Variants in LSAMP observed in about 807,000 individuals in gnomAD.
The protein encoded by LSAMP is limbic system associated membrane protein, also known as limbic system-associated membrane protein.
In LSAMP, 7 loss-of-function variants were observed where a neutral mutation model predicts 38.6. That is an observed-to-expected ratio of 0.18 (90% CI 0.10 to 0.34). The LOEUF (loss-of-function observed/expected upper bound fraction) is 0.34, where lower values mean the gene tolerates loss of function less well. Among genes scored for constraint, LSAMP ranks in the 10% least tolerant of loss-of-function variants. The pLI is 1.00. For missense variants in LSAMP, 313 were observed against 420.0 expected (o/e 0.75, Z 2.23); for synonymous variants, 154 against 166.8 (o/e 0.92, Z 0.59).
chr3:116,300,152 C>T (rs2047387282), intron 1 of LSAMP, among the ~76,000 whole-genome samples: 3 of 152,104 alleles, frequency 2.0e-5, no homozygotes, highest in East Asian at 1.9e-4. Context: ...TGAGGGAACA[C>T]GGTCCCATTT....
chr3:116,118,852 T>C (rs1708811935), intron 1 of LSAMP, among the ~76,000 whole-genome samples: 1 of 152,204 alleles, frequency 6.6e-6, no homozygotes, highest in Non-Finnish European at 1.5e-5. Flanking sequence ...TATTATAAAG[T>C]TTGTATTTTT....
chr3:115,960,737 G>T (rs1938597935), intron 3 of LSAMP, among the ~76,000 whole-genome samples: 1 of 152,056 alleles, frequency 6.6e-6, no homozygotes, highest in African/African-American at 2.4e-5. Context: ...ATCAATTCAG[G>T]TTTATATCAG....
chr3:116,019,406 T>G, intron 3 of LSAMP, 109 bp downstream of exon 3: 1 of 1,365,432 alleles, frequency 7.3e-7, no homozygotes, highest in Non-Finnish European at 1.0e-6. Context: ...TCAACAGAAT[T>G]TCAATTCTGA....
In LSAMP at chr3:116,254,400, AAATT is replaced by A. The variant is rs781353654; in HGVS notation, c.156-167848_156-167845del. The stretch of plus-strand genomic sequence containing the variant: ...AGTGAAGAGATTATTAAAGAGAAAA[AAATT>A]AAAGAAAGAGGAGGGGGTGATAGAG... On this transcript the variant is annotated intron_variant, in intron 1 of 6. Transcript: ENST00000490035. 5.9e-3 allele frequency among the ~76,000 whole-genome samples: 893 copies of A among 152,244 alleles called. 6 individuals are homozygous for A. The highest frequency in any genetic ancestry group is 6.8e-3 in the Middle Eastern group (2 of 294).
intron 1 of LSAMP, among the ~76,000 whole-genome samples, chr3:116,165,981 T>G (rs1395123934): frequency 6.6e-6 from 1 of 152,228 alleles, no homozygotes; most frequent in African/African-American, 2.4e-5. Flanking sequence ...TGTGTGTATG[T>G]GTGTATTTCC....
At chr3:116,337,610 C>A (rs547287635) in intron 1 of LSAMP, among the ~76,000 whole-genome samples, 1 of 152,162 alleles carries the variant, frequency 6.6e-6, no homozygotes, top group South Asian at 2.1e-4. Context: ...AAAGAAGACT[C>A]TTACTACCTA....
chr3:115,942,722 T>C (rs1353582317), intron 3 of LSAMP, among the ~76,000 whole-genome samples: 2 of 152,158 alleles, frequency 1.3e-5, no homozygotes, highest in African/African-American at 4.8e-5. Flanking sequence ...GGTAAATCTA[T>C]GGGAAAGCCT....
chr3:116,019,166 G>T (rs1273698098), intron 3 of LSAMP, among the ~76,000 whole-genome samples: 1 of 127,630 alleles, frequency 7.8e-6, no homozygotes, highest in Non-Finnish European at 1.7e-5. Flanking sequence ...GTGGGGGGGG[G>T]GGGGCTGTTC....
chr3:116,359,238 TAAGG>T (rs1398034908), intron 1 of LSAMP, among the ~76,000 whole-genome samples: 1 of 152,210 alleles, frequency 6.6e-6, no homozygotes, highest in Non-Finnish European at 1.5e-5. Flanking sequence ...CATCAATCAA[TAAGG>T]AAATATTTTC....
At chr3:116,023,684 A>G (rs1216240715) in intron 2 of LSAMP, among the ~76,000 whole-genome samples, 1 of 151,678 alleles carries the variant, frequency 6.6e-6, no homozygotes, top group Non-Finnish European at 1.5e-5. Context: ...TCACCACACT[A>G]CAATCAGATA....
chr3:116,373,075 T>C (rs1375012955), intron 1 of LSAMP, among the ~76,000 whole-genome samples: 4 of 151,612 alleles, frequency 2.6e-5, no homozygotes, highest in African/African-American at 9.7e-5. Flanking sequence ...TCTAAGTATA[T>C]TCAAAAAAAT....
intron 3 of LSAMP, among the ~76,000 whole-genome samples, chr3:115,939,112 G>C (rs1378039436): frequency 6.6e-6 from 1 of 152,074 alleles, no homozygotes; most frequent in Non-Finnish European, 1.5e-5. Flanking sequence ...CTTGTTACCT[G>C]TCACAAGATT....
intron 1 of LSAMP, among the ~76,000 whole-genome samples, chr3:116,369,585 G>A (rs1576168921): frequency 6.6e-6 from 1 of 152,088 alleles, no homozygotes; most frequent in Non-Finnish European, 1.5e-5. Context: ...AGGAAGAGGA[G>A]GGTCAACGGA....
At chr3:115,982,754 C>G (rs974967102) in intron 3 of LSAMP, among the ~76,000 whole-genome samples, 1 of 152,074 alleles carries the variant, frequency 6.6e-6, no homozygotes, top group Non-Finnish European at 1.5e-5. Context: ...CTTTTTATCT[C>G]CATCACTGTC....
At chr3:116,384,520 A>G (rs2107805179) in intron 1 of LSAMP, among the ~76,000 whole-genome samples, 1 of 152,232 alleles carries the variant, frequency 6.6e-6, no homozygotes, top group Middle Eastern at 3.4e-3. Context: ...CTGGGGGTTG[A>G]GAATTACTGT....
At chr3:115,899,032 A>G (rs2107477187) in intron 3 of LSAMP, among the ~76,000 whole-genome samples, 1 of 152,282 alleles carries the variant, frequency 6.6e-6, no homozygotes, top group South Asian at 2.1e-4. Flanking sequence ...AAATCAGTTC[A>G]GTATCCAGAA....
In LSAMP at chr3:115,948,286, C is replaced by CTCTATTATTAAGAAGTCT. The variant is rs1375867779; in HGVS notation, c.514+71228_514+71229insAGACTTCTTAATAATAGA. Among the ~76,000 whole-genome samples the CTCTATTATTAAGAAGTCT allele has an allele frequency of 3.9e-5, 6 of 152,230 alleles. 1 individual carries two copies. Among genetic ancestry groups the CTCTATTATTAAGAAGTCT allele is most frequent in the Admixed American group, 2.0e-4 (3 of 15,290 alleles). On this transcript the variant is annotated intron_variant, in intron 3 of 6. Transcript: ENST00000490035. ...CTTCTTCTCTATTTATTTAAGAAGT[C>CTCTATTATTAAGAAGTCT]CTGATTTACAGAACATTCTACCCAA...
chr3:115,970,310 C>T (rs1035551424), intron 3 of LSAMP, among the ~76,000 whole-genome samples: 3 of 152,144 alleles, frequency 2.0e-5, no homozygotes, highest in African/African-American at 4.8e-5. Context: ...GTCCACAGAG[C>T]GAACCCTAGG....
intron 1 of LSAMP, among the ~76,000 whole-genome samples, chr3:116,312,511 T>A (rs535585919): frequency 3.9e-5 from 6 of 152,334 alleles, no homozygotes; most frequent in African/African-American, 1.4e-4. Context: ...ACTCTCCCCA[T>A]CTTCTTTGCA....
Sources: allele counts gnomAD v4.1 joint callset (sites outside exome capture counted in the v4.1 genomes callset), GRCh38; gene constraint gnomAD v4.1.1; transcripts MANE v1.5; gene names NCBI Gene and HGNC (gene_info 2026-07-23, HGNC 2026-07-21).